The following BCAS3 variants were observed in gnomAD, a reference collection of about 807,000 sequenced individuals.
The protein encoded by BCAS3 is BCAS3 microtubule associated cell migration factor.
In BCAS3, 53 loss-of-function variants were observed where a neutral mutation model predicts 116.1. That is an observed-to-expected ratio of 0.46 (90% confidence interval 0.37 to 0.57). BCAS3 has a LOEUF of 0.57. Ranked by LOEUF, BCAS3 falls within the 20% of genes least tolerant of loss-of-function variation. The pLI is 0.00. For synonymous variants in BCAS3, 391 were observed against 408.2 expected, an observed-to-expected ratio of 0.96 and a Z score of 0.51; for missense variants, 917 against 1,165.4, an observed-to-expected ratio of 0.79 and a Z score of 3.10.
intron 6 of BCAS3, among the ~76,000 whole-genome samples, chr17:60,771,063 C>T (rs1272406034): frequency 6.6e-6 from 1 of 151,924 alleles, no homozygotes; most frequent in Non-Finnish European, 1.5e-5. Context: ...CTGCCTTGGC[C>T]TCCCAAAGTG....
At chr17:60,920,287 A>C (rs975433457) in intron 12 of BCAS3, among the ~76,000 whole-genome samples, 16 of 152,236 alleles carry the variant, frequency 1.1e-4, no homozygotes, top group Non-Finnish European at 1.8e-4. Context: ...TGCACAGCAA[A>C]ATAAACTATC....
intron 22 of BCAS3, among the ~76,000 whole-genome samples, chr17:61,320,377 G>A (rs1182482913): frequency 1.3e-5 from 2 of 151,382 alleles, no homozygotes; most frequent in Non-Finnish European, 2.9e-5. Context: ...GGAATATATG[G>A]TGAAAGAATA....
chr17:61,300,772 T>C lies in BCAS3; in HGVS notation c.2426-67555T>C, dbSNP rs915527965. 1.3e-5 allele frequency among the ~76,000 whole-genome samples: 2 copies of C among 152,056 alleles called. No individual in the cohort carries two copies. Among genetic ancestry groups the C allele is most frequent in the African/African-American group, 4.8e-5 (2 of 41,420 alleles). Reference sequence around the variant, plus strand: ...TTATTTCATATCTGATTAGCTTCAATTGACAATGTTTTCTACACTCTGATT... The same window carrying C: ...TTATTTCATATCTGATTAGCTTCAACTGACAATGTTTTCTACACTCTGATT... On this transcript the variant is annotated intron_variant, in intron 22 of 23. Transcript: ENST00000407086. This position sits in a 1 kb window ranked among gnomAD's most constrained non-coding sequence, Gnocchi z 5.1.
intron 22 of BCAS3, among the ~76,000 whole-genome samples, chr17:61,292,817 T>C (rs1475660992): frequency 6.6e-6 from 1 of 152,212 alleles, no homozygotes; most frequent in African/African-American, 2.4e-5. Context: ...CATGATGTCA[T>C]GCAAGTAACG....
chr17:61,170,092 T>A (rs918900776), intron 22 of BCAS3, among the ~76,000 whole-genome samples: 1 of 151,960 alleles, frequency 6.6e-6, no homozygotes, highest in East Asian at 1.9e-4. Flanking sequence ...TGACCTCAGG[T>A]GATCTGCCAC....
intron 22 of BCAS3, among the ~76,000 whole-genome samples, chr17:61,175,923 T>A (rs8072157): frequency 0.65 from 98,701 of 151,866 alleles, 35,267 homozygotes; most frequent in South Asian, 0.86. Context: ...GTTGCTTGAG[T>A]CTAGGAGTTA....
intron 15 of BCAS3, 148 bp from the exon 16 acceptor site, chr17:61,015,603 C>T (rs2065401518): frequency 2.5e-6 from 2 of 815,112 alleles, no homozygotes; most frequent in Admixed American, 4.5e-5. Flanking sequence ...TCTTCTCATC[C>T]ACATAATTGT....
At position 61,258,651 on chromosome 17, in the gene BCAS3, T is replaced by A. The variant is rs1367277717; in HGVS notation, c.2426-109676T>A. Among the ~76,000 whole-genome samples, 1 of 152,260 alleles carries A rather than the reference T, an allele frequency of 6.6e-6. No individual in the cohort carries two copies. The highest frequency in any genetic ancestry group is 1.5e-5 in the Non-Finnish European group (1 of 68,040). On this transcript the variant is annotated intron_variant, in intron 22 of 23. Coordinates refer to ENST00000407086, the MANE Select transcript of BCAS3 (RefSeq NM_017679.5). This position sits in a 1 kb window ranked among gnomAD's most constrained non-coding sequence, Gnocchi z 4.7. ...AACATTGATTAAGTAAGTAGACTGA[T>A]GTTCACTCCTTATTGCATGATTTTC...
intron 22 of BCAS3, among the ~76,000 whole-genome samples, chr17:61,311,802 G>A (rs1281368556): frequency 6.6e-6 from 1 of 152,140 alleles, no homozygotes; most frequent in Admixed American, 6.5e-5. Flanking sequence ...GCTGAGGCAG[G>A]AGAATCTCTT....
intron 5 of BCAS3, chr17:60,727,326 G>T: frequency 7.5e-7 from 1 of 1,328,642 alleles, no homozygotes; most frequent in Non-Finnish European, 1.1e-6. Flanking sequence ...AGGAAAACTG[G>T]CCTTCTCTGC....
At chr17:60,812,306 A>G (rs867819195) in intron 7 of BCAS3, among the ~76,000 whole-genome samples, 4 of 152,222 alleles carry the variant, frequency 2.6e-5, no homozygotes. Flanking sequence ...ATTTAATTAC[A>G]TATGTACATA....
intron 16 of BCAS3, among the ~76,000 whole-genome samples, chr17:61,018,087 T>C (rs2065591539): frequency 6.6e-6 from 1 of 152,170 alleles, no homozygotes; most frequent in Non-Finnish European, 1.5e-5. Context: ...TTTACTAGGC[T>C]TTGTATCTCA....
rs1451861662 is a variant in BCAS3, at chr17:60,960,368, C to T, written c.1221+13016C>T. Reference sequence around the variant, plus strand: ...TTTATCCTAGGGCAAAATTCCTGTGCTTCTGTGGACCTGTGAAACTACAAT... The same window carrying T: ...TTTATCCTAGGGCAAAATTCCTGTGTTTCTGTGGACCTGTGAAACTACAAT... On this transcript the variant is annotated intron_variant, in intron 14 of 23. Coordinates refer to ENST00000407086, the MANE Select transcript of BCAS3 (RefSeq NM_017679.5). The surrounding 1 kb of genome is among the most constrained non-coding windows in gnomAD (Gnocchi z 4.1). 1.3e-5 allele frequency among the ~76,000 whole-genome samples: 2 copies of T among 152,146 alleles called. No homozygotes were observed. Among genetic ancestry groups the T allele is most frequent in the Non-Finnish European group, 2.9e-5 (2 of 68,026 alleles).
At chr17:61,305,919 TTTG>T (rs1471655170) in intron 22 of BCAS3, among the ~76,000 whole-genome samples, 1 of 152,096 alleles carries the variant, frequency 6.6e-6, no homozygotes, top group Admixed American at 6.6e-5. Flanking sequence ...AATGGCTGCA[TTTG>T]TTGTTGTTTC....
At position 61,377,528 on chromosome 17, in the gene BCAS3, C is replaced by T. The variant is rs2059393861; in HGVS notation, c.2593+9034C>T. On this transcript the variant is annotated intron_variant, in intron 23 of 23. Transcript: ENST00000407086. This position sits in a 1 kb window ranked among gnomAD's most constrained non-coding sequence, Gnocchi z 4.6. Reference sequence around the variant, plus strand: ...CCCCTTTTCGATGGGATTTGAAGCCCTCATCAAGCAATGGGGTAAACCTGT... The same window carrying T: ...CCCCTTTTCGATGGGATTTGAAGCCTTCATCAAGCAATGGGGTAAACCTGT... Among the ~76,000 whole-genome samples the T allele has an allele frequency of 6.6e-6, 1 of 152,196 alleles. No homozygotes were observed. The highest frequency in any genetic ancestry group is 6.5e-5 in the Admixed American group (1 of 15,272).
intron 10 of BCAS3, among the ~76,000 whole-genome samples, chr17:60,893,378 A>G (rs1380599576): frequency 4.6e-5 from 7 of 152,046 alleles, no homozygotes; most frequent in Admixed American, 2.0e-4. Flanking sequence ...CAGGTCTTAC[A>G]TTTAGGTCTT....
In BCAS3 at chr17:61,083,323, T is replaced by C. The variant is rs915753937; in HGVS notation, c.2328-1144T>C. Among the ~76,000 whole-genome samples the C allele has an allele frequency of 4.0e-5, 6 of 149,974 alleles. No homozygotes were observed. The highest frequency in any genetic ancestry group is 1.5e-4 in the African/African-American group (6 of 39,248). ...TGCATTGTCATGAATGTTCATGTGC[T>C]ATGTCATATATATACACATTGGTCT... On this transcript the variant is annotated intron_variant, in intron 21 of 23. Transcript: ENST00000407086. The surrounding 1 kb of genome is among the most constrained non-coding windows in gnomAD (Gnocchi z 4.9).
Position 61,070,116 on chromosome 17 carries a change from C to T in BCAS3, c.2030-4804C>T. 4 of 1,572,674 alleles carry T rather than the reference C, an allele frequency of 2.5e-6. 1 individual carries two copies. The South Asian group carries it at 4.4e-5, about 17-fold the overall frequency. On this transcript the variant is annotated intron_variant, in intron 19 of 23. Coordinates refer to ENST00000407086, the MANE Select transcript of BCAS3 (RefSeq NM_017679.5). ...ATGCTATCATCAAGTTTCCGCTGAC[C>T]ACTGAGTCTGCCATGAAGAAGACAG...
intron 15 of BCAS3, among the ~76,000 whole-genome samples, chr17:61,002,217 A>G (rs911820225): frequency 6.6e-6 from 1 of 152,072 alleles, no homozygotes; most frequent in African/African-American, 2.4e-5. Flanking sequence ...CTCTATGTAG[A>G]TATTTTATAT....
Sources: allele counts gnomAD v4.1 joint callset (sites outside exome capture counted in the v4.1 genomes callset), GRCh38; gene constraint gnomAD v4.1.1; non-coding constraint Gnocchi (gnomAD v3.1); transcripts MANE v1.5; gene names NCBI Gene and HGNC (gene_info 2026-07-23, HGNC 2026-07-21).